Variants in CASP2 observed in about 807,000 individuals in gnomAD.
The protein encoded by CASP2 is caspase 2.
In CASP2, 38 loss-of-function variants were observed where a neutral mutation model predicts 54.4. The observed-to-expected ratio is 0.70, with a 90% CI of 0.54 to 0.92. The LOEUF (loss-of-function observed/expected upper bound fraction) is 0.92. CASP2 is among the 40% of genes least tolerant of loss of function. The pLI, the probability that CASP2 is intolerant of heterozygous loss-of-function variation, is 0.00. For missense variants in CASP2, 512 were observed against 579.6 expected (o/e 0.88, Z 1.20); for synonymous variants, 215 against 216.3 (o/e 0.99, Z 0.05).
intron 1 of CASP2, among the ~76,000 whole-genome samples, chr7:143,288,858 C>G (rs1801468333): frequency 6.6e-6 from 1 of 152,240 alleles, no homozygotes; most frequent in Non-Finnish European, 1.5e-5. Flanking sequence ...TCCTCTGGCT[C>G]CCTTATGAGG....
intron 8 of CASP2, 105 bp downstream of exon 8, chr7:143,300,399 G>C: frequency 1.3e-6 from 2 of 1,599,904 alleles, no homozygotes; most frequent in Non-Finnish European, 1.7e-6. Flanking sequence ...GATCCCTTGG[G>C]CACCTCCTTC....
Position 143,292,695 on chromosome 7 carries a change from A to G in CASP2, c.472A>G (p.Thr158Ala). 1 of 1,611,960 alleles carries G rather than the reference A, an allele frequency of 6.2e-7. No individual in the cohort carries two copies. The highest frequency in any genetic ancestry group is 2.2e-5 in the East Asian group (1 of 44,878). The change falls in exon 4 of 11, where the codon ACA becomes GCA. Residue 158 changes from threonine to alanine, a missense_variant. Transcript: ENST00000310447. The stretch of plus-strand genomic sequence containing the variant: ...CCTTTACAAGAAGCTCCGCCTGTCG[A>G]CAGGTGAGAATTGATGGACTAAAAG... ...CPLYKKLRLS[T>A]DTVEHSLDNK...
chr7:143,297,687 TC>T (rs961417157), intron 6 of CASP2, among the ~76,000 whole-genome samples: 24 of 152,224 alleles, frequency 1.6e-4, no homozygotes, highest in African/African-American at 5.5e-4. Context: ...CCTCAGGTGA[TC>T]CACCCGCCTC....
chr7:143,289,631 A>G, intron 1 of CASP2: 2 of 983,302 alleles, frequency 2.0e-6, no homozygotes, highest in African/African-American at 1.7e-5. Context: ...CTGGTAAACT[A>G]ATGGAAGAAA....
At chr7:143,289,532 A>G in intron 1 of CASP2, 2 of 649,142 alleles carry the variant, frequency 3.1e-6, no homozygotes, top group Non-Finnish European at 3.8e-6. Context: ...CCTCTAAAGA[A>G]AACAGGAACT....
intron 1 of CASP2, 61 bp downstream of exon 1, chr7:143,288,590 C>G: frequency 6.8e-7 from 1 of 1,463,702 alleles, no homozygotes; most frequent in Non-Finnish European, 9.5e-7. Context: ...GCGTGGCCCC[C>G]AGGCGTGCGG....
intron 6 of CASP2, among the ~76,000 whole-genome samples, chr7:143,295,228 A>G (rs4647306): frequency 0.016 from 2,393 of 152,210 alleles, 30 homozygotes; most frequent in Middle Eastern, 0.054. Context: ...GGGTTTTGCC[A>G]TGTTGGCCAG....
intron 8 of CASP2, 161 bp from the exon 9 acceptor site, chr7:143,303,623 T>TG: frequency 3.8e-6 from 1 of 265,570 alleles, no homozygotes. Context: ...GAGTAATAAT[T>TG]TTTTTTTTTT....
In CASP2 at chr7:143,303,793, A is replaced by G. The variant is rs1232039361; in HGVS notation, c.977A>G (p.Asp326Gly). The change falls in exon 9 of 11, where the codon GAT becomes GGT. Residue 326 changes from aspartate to glycine, a missense_variant. Asp to Gly is a moderately conservative substitution (Grantham distance 94, BLOSUM62 -1). Transcript: ENST00000310447. Reference protein sequence around the residue: ...FIQACRGDETDRGVDQQDGKN... With the variant: ...FIQACRGDETGRGVDQQDGKN... ...TCTGCCTTTGTTACAGATGAGACTG[A>G]TCGTGGGGTTGACCAACAAGATGGA... 6.2e-7 allele frequency: 1 copy of G among 1,613,796 alleles called. No individual in the cohort carries two copies. Among genetic ancestry groups the G allele is most frequent in the East Asian group, 2.2e-5 (1 of 44,884 alleles).
intron 8 of CASP2, 50 bp downstream of exon 8, chr7:143,300,344 C>G (rs774896123): frequency 6.2e-7 from 1 of 1,607,970 alleles, no homozygotes; most frequent in Admixed American, 1.7e-5. Context: ...TGGGCAGCCT[C>G]CCACCAGCTC....
At chr7:143,295,029 T>C (rs1019163815) in intron 6 of CASP2, among the ~76,000 whole-genome samples, 1 of 141,212 alleles carries the variant, frequency 7.1e-6, no homozygotes, top group Admixed American at 7.1e-5. Flanking sequence ...GGTGTCTCAC[T>C]TTTTTTTTTT....
At chr7:143,290,055 CTTTTTTTT>C (rs35440867) in intron 1 of CASP2, among the ~76,000 whole-genome samples, 4 of 114,522 alleles carry the variant, frequency 3.5e-5, no homozygotes, top group African/African-American at 1.5e-4. Flanking sequence ...TTTTCCCTCC[CTTTTTTTT>C]TTTTTTTTTT....
At chr7:143,294,990 G>A (rs1460312801) in intron 6 of CASP2, among the ~76,000 whole-genome samples, 1 of 151,198 alleles carries the variant, frequency 6.6e-6, no homozygotes, top group Non-Finnish European at 1.5e-5. Flanking sequence ...TCAGGTTGTG[G>A]TTTCATAAAG....
chr7:143,292,262 A>T (rs772002083), intron 2 of CASP2, 38 bp from the exon 3 acceptor site: 1 of 1,603,144 alleles, frequency 6.2e-7, no homozygotes, highest in South Asian at 1.1e-5. Context: ...ATAGCTAGAG[A>T]AGTAAATATG....
chr7:143,290,424 A>C (rs1000560949), intron 1 of CASP2, among the ~76,000 whole-genome samples: 2 of 152,026 alleles, frequency 1.3e-5, no homozygotes, highest in Non-Finnish European at 2.9e-5. Flanking sequence ...TTAAGTTATA[A>C]ATGGAAGTTA....
intron 9 of CASP2, among the ~76,000 whole-genome samples, chr7:143,304,397 CTG>C (rs1207334837): frequency 2.0e-5 from 3 of 152,218 alleles, no homozygotes; most frequent in Non-Finnish European, 2.9e-5. Flanking sequence ...ACTTAATAGA[CTG>C]TAGGATAGTA....
chr7:143,304,715 A>G lies in CASP2; in HGVS notation c.1159A>G (p.Ile387Val), dbSNP rs759403089. 2 of 1,614,214 alleles carry G rather than the reference A, an allele frequency of 1.2e-6. No homozygotes were observed. The highest frequency in any genetic ancestry group is 1.7e-6 in the Non-Finnish European group (2 of 1,180,048). ...MRNTKRGSWY[I>V]EALAQVFSER... ...GAACACCAAACGAGGTTCCTGGTAC[A>G]TCGAGGCTCTTGCTCAAGTGTTTTC... Residue 387 changes from isoleucine (I) to valine (V), a missense_variant, in exon 10 of 11, where the codon ATC becomes GTC. Ile to Val is a conservative substitution (Grantham distance 29). Coordinates refer to ENST00000310447, the MANE Select transcript of CASP2 (RefSeq NM_032982.4).
At position 143,288,504 on chromosome 7, in the gene CASP2, C is replaced by T; in HGVS notation, c.49C>T (p.Leu17=). The part of the protein sequence containing the change: ...GSWSTFQHKE[L]MAADRGRRIL... ...TTGGTCCACCTTCCAGCACAAGGAGCTGATGGCCGCTGACAGGGGACGCAG... is the reference window on the plus strand; with the variant it reads ...TTGGTCCACCTTCCAGCACAAGGAGTTGATGGCCGCTGACAGGGGACGCAG... Residue 17 remains leucine (L), a synonymous_variant, in exon 1 of 11, where the codon CTG becomes TTG. Transcript: ENST00000310447. 1 of 1,613,326 alleles carries T rather than the reference C, an allele frequency of 6.2e-7. No homozygotes were observed.
chr7:143,303,914 C>T lies in CASP2; in HGVS notation c.1098C>T (p.Cys366=), dbSNP rs147605073. Residue 366 remains cysteine, a synonymous_variant, in exon 9 of 11, where the codon TGC becomes TGT. Coordinates refer to ENST00000310447, the MANE Select transcript of CASP2 (RefSeq NM_032982.4). ...MRLPTRSDMI[C]GYACLKGTAA... is the part of the protein sequence containing the mutation. ...TGCCCACGCGCTCAGACATGATATG[C>T]GGCTATGCCTGCCTCAAAGGTACTT... 71 of 1,602,822 alleles carry T rather than the reference C, an allele frequency of 4.4e-5. 1 individual carries two copies. Among genetic ancestry groups the T allele is most frequent in the Middle Eastern group, 3.3e-4 (2 of 6,072 alleles).
Sources: allele counts gnomAD v4.1 joint callset (sites outside exome capture counted in the v4.1 genomes callset), GRCh38; gene constraint gnomAD v4.1.1; transcripts MANE v1.5; gene names NCBI Gene and HGNC (gene_info 2026-07-23, HGNC 2026-07-21).